BTG4: variants seen among roughly 807,000 people sequenced by gnomAD.
The protein encoded by BTG4 is BTG anti-proliferation factor 4, also known as protein BTG4.
BTG4 carries 10 observed loss-of-function variants against 19.3 expected under a neutral mutation model. The observed-to-expected ratio is 0.52, with a 90% CI of 0.32 to 0.88. The LOEUF (loss-of-function observed/expected upper bound fraction) is 0.88. BTG4 is among the 40% of genes least tolerant of loss of function. BTG4 has a pLI of 0.04. For missense variants in BTG4, 238 were observed against 281.9 expected (o/e 0.84, Z 1.11); for synonymous variants, 91 against 95.7 (o/e 0.95, Z 0.29).
upstream of BTG4, chr11:111,514,693 G>C: frequency 2.0e-6 from 2 of 1,025,366 alleles, no homozygotes; most frequent in South Asian, 1.5e-5. Flanking sequence ...AGCCGGCAGG[G>C]GCTGGTACCA....
chr11:111,421,994 G>T, the BTG4 span, among the ~76,000 whole-genome samples: 10,575 of 152,012 alleles, frequency 0.07, 1,178 homozygotes, highest in African/African-American at 0.24. Flanking sequence ...GAATCAAAAG[G>T]GCCCAGAAGT....
At chr11:111,391,399 C>T in the BTG4 span, among the ~76,000 whole-genome samples, 1 of 152,170 alleles carries the variant, frequency 6.6e-6, no homozygotes, top group Non-Finnish European at 1.5e-5. Context: ...AGAAATGTCA[C>T]GTGAGGCTCA....
At chr11:111,456,799 G>A in the BTG4 span, 2 of 270,864 alleles carry the variant, frequency 7.4e-6, no homozygotes, top group Admixed American at 4.1e-5. This position sits in a 1 kb window ranked among gnomAD's most constrained non-coding sequence, Gnocchi z 4.2. Context: ...GATGAGGCAG[G>A]GCTTGCTGGG....
chr11:111,435,205 G>A, the BTG4 span, among the ~76,000 whole-genome samples: 2 of 152,200 alleles, frequency 1.3e-5, no homozygotes, highest in Non-Finnish European at 2.9e-5. Flanking sequence ...CTGGAACTGA[G>A]ACAGACACCC....
the BTG4 span, among the ~76,000 whole-genome samples, chr11:111,440,596 C>T: frequency 6.5e-3 from 988 of 152,350 alleles, 33 homozygotes; most frequent in Admixed American, 0.05. Flanking sequence ...CTCTTACCTA[C>T]CTTGGCTGTT....
At chr11:111,488,745 T>C (rs1388716513) in intron 5 of BTG4, among the ~76,000 whole-genome samples, 1 of 152,128 alleles carries the variant, frequency 6.6e-6, no homozygotes, top group Non-Finnish European at 1.5e-5. Flanking sequence ...AACAACTCAA[T>C]AGGGAAAAAA....
the BTG4 span, among the ~76,000 whole-genome samples, chr11:111,446,340 A>G: frequency 6.6e-6 from 1 of 152,194 alleles, no homozygotes; most frequent in African/African-American, 2.4e-5. Flanking sequence ...TCAATCTCAC[A>G]AGGTAGTTGT....
the BTG4 span, among the ~76,000 whole-genome samples, chr11:111,386,851 A>T: frequency 6.6e-6 from 1 of 152,170 alleles, no homozygotes; most frequent in African/African-American, 2.4e-5. Context: ...CCCATTTCTC[A>T]TTTCTCTGGC....
At chr11:111,423,828 GGAGCTGT>G in the BTG4 span, among the ~76,000 whole-genome samples, 1 of 152,168 alleles carries the variant, frequency 6.6e-6, no homozygotes. Flanking sequence ...ACTTTCTGGA[GGAGCTGT>G]GAGCTGAGGA....
chr11:111,433,137 G>A, the BTG4 span, among the ~76,000 whole-genome samples: 1 of 152,142 alleles, frequency 6.6e-6, no homozygotes, highest in African/African-American at 2.4e-5. Context: ...TCTATTGTTT[G>A]CAATGGGCGC....
the BTG4 span, among the ~76,000 whole-genome samples, chr11:111,459,220 T>A: frequency 6.6e-5 from 10 of 151,700 alleles, no homozygotes; most frequent in African/African-American, 2.4e-4. Context: ...CCAGTCTGGG[T>A]GACGGTGAGA....
chr11:111,459,008 G>A, the BTG4 span, among the ~76,000 whole-genome samples: 14 of 152,294 alleles, frequency 9.2e-5, no homozygotes, highest in Admixed American at 2.6e-4. Context: ...TTGGGAGGTC[G>A]AGGCAGGTGG....
chr11:111,407,946 A>C, the BTG4 span, among the ~76,000 whole-genome samples: 5 of 152,172 alleles, frequency 3.3e-5, no homozygotes, highest in African/African-American at 1.2e-4. Flanking sequence ...GGGCAGGAAA[A>C]GTGTGGAGTG....
At chr11:111,431,663 G>C in the BTG4 span, among the ~76,000 whole-genome samples, 3 of 152,230 alleles carry the variant, frequency 2.0e-5, no homozygotes, top group Admixed American at 6.5e-5. Context: ...CAAGAGGAGG[G>C]ATGGAGGACA....
chr11:111,509,121 A>G (rs951072599), intron 1 of BTG4, among the ~76,000 whole-genome samples: 1 of 152,194 alleles, frequency 6.6e-6, no homozygotes, highest in African/African-American at 2.4e-5. Context: ...AATCTGGTGC[A>G]CTCTTACTAA....
chr11:111,488,628 C>G (rs1281432422), intron 5 of BTG4, among the ~76,000 whole-genome samples: 1 of 151,192 alleles, frequency 6.6e-6, no homozygotes, highest in Non-Finnish European at 1.5e-5. Flanking sequence ...CTTTGCACAG[C>G]AAAGGAAATA....
At chr11:111,397,707 C>A in the BTG4 span, 1 of 152,154 alleles carries the variant, frequency 6.6e-6, no homozygotes. Context: ...TTCTTACATC[C>A]TGAGGTTATA....
At chr11:111,497,890 T>A in intron 3 of BTG4, 108 bp downstream of exon 3, 2 of 1,228,764 alleles carry the variant, frequency 1.6e-6, no homozygotes, top group Non-Finnish European at 2.3e-6. Flanking sequence ...GAAGTATCCC[T>A]GCTGCCAACT....
chr11:111,438,801 G>A, the BTG4 span, among the ~76,000 whole-genome samples: 2 of 152,178 alleles, frequency 1.3e-5, no homozygotes, highest in Admixed American at 6.5e-5. Flanking sequence ...TAAAGAAGGC[G>A]TGATGTGGTC....
Sources: gnomAD v4.1 joint callset for allele counts (sites outside exome capture counted in the v4.1 genomes callset) on GRCh38, gnomAD v4.1.1 for gene constraint, Gnocchi (gnomAD v3.1) non-coding constraint, MANE v1.5 for transcripts, NCBI Gene and HGNC (gene_info 2026-07-23, HGNC 2026-07-21) for gene names.